ST8SIA1: variants seen among roughly 807,000 people sequenced by gnomAD.
ST8SIA1 encodes alpha-N-acetylneuraminide alpha-2,8-sialyltransferase.
ST8SIA1 carries 16 observed loss-of-function variants against 35.9 expected under a neutral mutation model. The observed-to-expected ratio is 0.45, with a 90% CI of 0.30 to 0.68. The LOEUF is 0.68. Among genes scored for constraint, ST8SIA1 ranks in the 30% least tolerant of loss-of-function variants. The pLI is 0.09. For synonymous variants in ST8SIA1, 170 were observed against 169.6 expected (o/e 1.00, Z -0.02); for missense variants, 383 against 453.6 (o/e 0.84, Z 1.41).
intron 4 of ST8SIA1, among the ~76,000 whole-genome samples, chr12:22,228,440 G>C (rs1231975349): frequency 2.0e-5 from 3 of 151,998 alleles, no homozygotes; most frequent in African/African-American, 4.8e-5. Flanking sequence ...TTGTCTATGT[G>C]TTTATTTATG....
At chr12:22,302,475 T>C (rs1488438845) in intron 1 of ST8SIA1, among the ~76,000 whole-genome samples, 2 of 152,142 alleles carry the variant, frequency 1.3e-5, no homozygotes, top group Non-Finnish European at 2.9e-5. Flanking sequence ...TCTCCCTTCC[T>C]CCCCTATTTT....
chr12:22,303,903 C>T (rs372848703), intron 1 of ST8SIA1, among the ~76,000 whole-genome samples: 1 of 148,254 alleles, frequency 6.7e-6, no homozygotes, highest in Admixed American at 6.8e-5. Context: ...TGGTGTGGTA[C>T]AGGGAGAAAA....
intron 2 of ST8SIA1, among the ~76,000 whole-genome samples, chr12:22,270,611 C>T (rs1377757658): frequency 1.3e-5 from 2 of 151,956 alleles, no homozygotes; most frequent in Non-Finnish European, 2.9e-5. Flanking sequence ...TAAACTTTTA[C>T]GTGAACCTAG....
intron 1 of ST8SIA1, among the ~76,000 whole-genome samples, chr12:22,330,478 A>T (rs1018238957): frequency 6.6e-6 from 1 of 152,236 alleles, no homozygotes; most frequent in Non-Finnish European, 1.5e-5. Context: ...TACAGCCAGA[A>T]TTCCAACCAT....
At chr12:22,207,979 C>T (rs1008533785) in intron 4 of ST8SIA1, among the ~76,000 whole-genome samples, 4 of 151,882 alleles carry the variant, frequency 2.6e-5, no homozygotes, top group Non-Finnish European at 5.9e-5. Flanking sequence ...CCCATCTCTA[C>T]TAAAAATACA....
chr12:22,263,511 A>G (rs1565581145), intron 2 of ST8SIA1, among the ~76,000 whole-genome samples: 1 of 152,184 alleles, frequency 6.6e-6, no homozygotes, highest in Non-Finnish European at 1.5e-5. Flanking sequence ...GGCTATCATA[A>G]CTAAGTTTTG....
chr12:22,333,858 T>G, intron 1 of ST8SIA1, 139 bp downstream of exon 1: 1 of 856,736 alleles, frequency 1.2e-6, no homozygotes, highest in Non-Finnish European at 2.0e-6. Context: ...ATGGCACAAA[T>G]GGAGGGAAAG....
chr12:22,297,650 G>T (rs1272720159), intron 1 of ST8SIA1, among the ~76,000 whole-genome samples: 1 of 152,060 alleles, frequency 6.6e-6, no homozygotes, highest in Non-Finnish European at 1.5e-5. Flanking sequence ...ATTTCAGGTT[G>T]TCAACAACCT....
chr12:22,314,425 T>A (rs952163299), intron 1 of ST8SIA1, among the ~76,000 whole-genome samples: 2 of 151,968 alleles, frequency 1.3e-5, no homozygotes, highest in African/African-American at 4.8e-5. Flanking sequence ...ACTGGGAGGA[T>A]CACTTGAAGA....
chr12:22,292,475 T>G (rs1439782212), intron 1 of ST8SIA1, among the ~76,000 whole-genome samples: 1 of 152,146 alleles, frequency 6.6e-6, no homozygotes, highest in African/African-American at 2.4e-5. Context: ...ATTATAAAGG[T>G]GCTTAATAAA....
chr12:22,314,455 T>C (rs1269552103), intron 1 of ST8SIA1, among the ~76,000 whole-genome samples: 1 of 151,936 alleles, frequency 6.6e-6, no homozygotes, highest in Non-Finnish European at 1.5e-5. Context: ...GCATAACTGA[T>C]AAAACCTACA....
rs1228683471 is a variant in ST8SIA1, at chr12:22,199,539, T to C, written c.*2013A>G. On this transcript the variant is annotated 3_prime_UTR_variant, in exon 5 of 5. Coordinates refer to ENST00000396037, the MANE Select transcript of ST8SIA1 (RefSeq NM_003034.4). The stretch of plus-strand genomic sequence containing the variant: ...TTCTTCATGGTACATTCTCATTATG[T>C]TTTTGCTGCCGTATAGCAAACCAGT... 2.6e-5 allele frequency: 4 copies of C among 152,198 alleles called. No individual in the cohort carries two copies. The highest frequency in any genetic ancestry group is 5.9e-5 in the Non-Finnish European group (4 of 68,024). 9.4% of individuals were successfully genotyped at this position (152,198 alleles called of 1,614,324 possible). A position where few individuals can be genotyped will look rare whatever the true frequency, so the allele number is the denominator to read the frequency against.
chr12:22,327,987 G>T (rs1866703504), intron 1 of ST8SIA1, among the ~76,000 whole-genome samples: 3 of 152,208 alleles, frequency 2.0e-5, no homozygotes, highest in African/African-American at 7.2e-5. Context: ...CTCAGTCAGG[G>T]GCAATTTTCC....
At chr12:22,258,364 C>T (rs113564136) in intron 2 of ST8SIA1, among the ~76,000 whole-genome samples, 1 of 151,764 alleles carries the variant, frequency 6.6e-6, no homozygotes, top group African/African-American at 2.4e-5. Flanking sequence ...GGGAGTTGGT[C>T]TTTCCTGGAG....
At chr12:22,247,473 G>A (rs1183797135) in intron 4 of ST8SIA1, among the ~76,000 whole-genome samples, 2 of 149,746 alleles carry the variant, frequency 1.3e-5, no homozygotes, top group Non-Finnish European at 2.9e-5. Context: ...TTTCTTGTAA[G>A]TGTTCTCTTA....
At chr12:22,320,957 G>GAAAGAGAAAGAA (rs1458108019) in intron 1 of ST8SIA1, among the ~76,000 whole-genome samples, 77 of 83,230 alleles carry the variant, frequency 9.3e-4, no homozygotes, top group Admixed American at 1.4e-3. Context: ...AAGAAAGAAA[G>GAAAGAGAAAGAA]AGAAAGAAAG....
intron 2 of ST8SIA1, among the ~76,000 whole-genome samples, chr12:22,260,781 C>T (rs1208764661): frequency 6.6e-6 from 1 of 151,370 alleles, no homozygotes; most frequent in Non-Finnish European, 1.5e-5. Flanking sequence ...AATTGCATTC[C>T]TTAGGGGAAA....
intron 3 of ST8SIA1, among the ~76,000 whole-genome samples, chr12:22,249,921 T>C (rs1247173386): frequency 6.6e-6 from 1 of 152,210 alleles, no homozygotes; most frequent in Non-Finnish European, 1.5e-5. Context: ...TTCAGGGCCA[T>C]GTACTATTCA....
rs558647560 is a variant in ST8SIA1, at chr12:22,196,737, A to G, written c.*4815T>C. 6.6e-6 allele frequency: 1 copy of G among 152,414 alleles called. No homozygotes were observed. Among genetic ancestry groups the G allele is most frequent in the Non-Finnish European group, 1.5e-5 (1 of 68,092 alleles). 9.4% of individuals were successfully genotyped at this position (152,414 alleles called of 1,614,324 possible). ...CCACTTTAGAATCACTGGCAGGGCTATAACTAGGTCGGGGTGATCAGACTC... is the reference window on the plus strand; with the variant it reads ...CCACTTTAGAATCACTGGCAGGGCTGTAACTAGGTCGGGGTGATCAGACTC... On this transcript the variant is annotated 3_prime_UTR_variant, in exon 5 of 5. Coordinates refer to ENST00000396037, the MANE Select transcript of ST8SIA1 (RefSeq NM_003034.4).
Sources: allele counts gnomAD v4.1 joint callset (sites outside exome capture counted in the v4.1 genomes callset), GRCh38; gene constraint gnomAD v4.1.1; transcripts MANE v1.5; gene names NCBI Gene and HGNC (gene_info 2026-07-23, HGNC 2026-07-21).